OR10A2: variants seen among roughly 807,000 people sequenced by gnomAD.
OR10A2 encodes olfactory receptor family 10 subfamily A member 2, also known as olfactory receptor 10A2.
Under a neutral mutation model 13.7 loss-of-function variants are expected in OR10A2, and 15 were observed. That is an observed-to-expected ratio of 1.10 (90% CI 0.73 to 1.69). OR10A2 has a LOEUF of 1.69. Ranked by LOEUF, OR10A2 falls within the 40% of genes most tolerant of loss-of-function variation. The pLI is 0.00. For missense variants in OR10A2, 343 were observed against 361.1 expected, an observed-to-expected ratio of 0.95 and a Z score of 0.41; for synonymous variants, 145 against 144.7, an observed-to-expected ratio of 1.00 and a Z score of -0.02.
chr11:6,871,839 A>G lies in OR10A2; in HGVS notation c.*1173A>G, dbSNP rs1848438239. On this transcript the variant is annotated 3_prime_UTR_variant, in exon 2 of 2. Transcript: ENST00000641461. ...TGCTGTAAATAATGGACTTATCCATATATCTGTTTTTATATTTTTGCTAGT... is the reference window on the plus strand; with the variant it reads ...TGCTGTAAATAATGGACTTATCCATGTATCTGTTTTTATATTTTTGCTAGT... 3 of 152,216 alleles carry G rather than the reference A, an allele frequency of 2.0e-5. No individual in the cohort carries two copies. Among genetic ancestry groups the G allele is most frequent in the Admixed American group, 6.5e-5 (1 of 15,280 alleles). 9.4% of individuals were successfully genotyped at this position (152,216 alleles called of 1,614,324 possible).
intron 1 of OR10A2, among the ~76,000 whole-genome samples, chr11:6,867,058 T>C (rs953109046): frequency 2.0e-5 from 3 of 152,154 alleles, no homozygotes; most frequent in African/African-American, 7.2e-5. Context: ...GTGTAATTTT[T>C]CAAATTTGTA....
At chr11:6,868,931 TTGTC>T (rs1848401566) in intron 1 of OR10A2, among the ~76,000 whole-genome samples, 1 of 152,212 alleles carries the variant, frequency 6.6e-6, no homozygotes, top group Admixed American at 6.5e-5. Flanking sequence ...GTGCTTATCT[TTGTC>T]TGTCTTCACT....
At chr11:6,865,101 A>AAATATATT (rs1554928991) in intron 1 of OR10A2, among the ~76,000 whole-genome samples, 3 of 143,750 alleles carry the variant, frequency 2.1e-5, no homozygotes, top group Non-Finnish European at 4.5e-5. Context: ...ATGAATAAAA[A>AAATATATT]TATATATTTA....
intron 1 of OR10A2, among the ~76,000 whole-genome samples, chr11:6,864,972 A>G (rs1848368166): frequency 6.8e-6 from 1 of 146,624 alleles, no homozygotes; most frequent in Admixed American, 6.9e-5. Context: ...ATATAAATAT[A>G]TATATTGTAA....
chr11:6,870,492 C>G lies in OR10A2; in HGVS notation c.738C>G (p.Tyr246Ter). The change falls in exon 2 of 2, where the codon TAC becomes TAG. Residue 246 changes from tyrosine (Y) to a stop codon, truncating the protein, a stop_gained. Coordinates refer to ENST00000641461, the MANE Select transcript of OR10A2 (RefSeq NM_001004460.2). LOFTEE classifies it high-confidence loss of function. ...TCTATATATCATTAAGCCTCACCTA[C>G]TTCCGGCCTAAATCAAATAATTCAC... ...SLFYISLSLT[Y>*]FRPKSNNSPE... The G allele has an allele frequency of 6.2e-7, 1 of 1,614,188 alleles. No homozygotes were observed. The highest frequency in any genetic ancestry group is 1.1e-5 in the South Asian group (1 of 91,088).
In OR10A2 at chr11:6,868,077, G is replaced by A. The variant is rs1848393921; in HGVS notation, c.-132-1546G>A. Among the ~76,000 whole-genome samples, 3 of 152,158 alleles carry A rather than the reference G, an allele frequency of 2.0e-5. No homozygotes were observed. The South Asian group carries it at 6.2e-4, about 32-fold the overall frequency. ...CAGTGAAAGAGTTTCTAGTTGAGAT[G>A]ATCTGTCTTTTCATCATTGGTTCTT... On this transcript the variant is annotated intron_variant, in intron 1 of 1. Transcript: ENST00000641461.
At position 6,873,645 on chromosome 11, in the gene OR10A2, T is replaced by C. The variant is rs7944013; in HGVS notation, c.*2979T>C. The C allele has an allele frequency of 0.2, 30,879 of 152,090 alleles. 3,302 individuals carry two copies. The highest frequency in any genetic ancestry group is 0.24 in the Non-Finnish European group (16,147 of 67,980). 9.4% of individuals were successfully genotyped at this position (152,090 alleles called of 1,614,324 possible). On this transcript the variant is annotated 3_prime_UTR_variant, in exon 2 of 2. Coordinates refer to ENST00000641461, the MANE Select transcript of OR10A2 (RefSeq NM_001004460.2). The stretch of plus-strand genomic sequence containing the variant: ...ATCAGCTACACTGGGGATTTGAAAC[T>C]GGAAAAATAAGCAGAGATCACAGGA...
intron 1 of OR10A2, among the ~76,000 whole-genome samples, chr11:6,864,705 C>CAA (rs1211269983): frequency 2.0e-5 from 3 of 151,750 alleles, no homozygotes; most frequent in Admixed American, 6.6e-5. Context: ...AAGGCAGAGG[C>CAA]AAGCAAAAAG....
In OR10A2 at chr11:6,870,657, T is replaced by C; in HGVS notation, c.903T>C (p.Cys301=). 6.3e-7 allele frequency: 1 copy of C among 1,576,630 alleles called. No homozygotes were observed. Among genetic ancestry groups the C allele is most frequent in the Non-Finnish European group, 8.6e-7 (1 of 1,163,732 alleles). The change falls in exon 2 of 2, where the codon TGT becomes TGC. Residue 301 remains cysteine (C), a synonymous_variant. Coordinates refer to ENST00000641461, the MANE Select transcript of OR10A2 (RefSeq NM_001004460.2). ...TVSKALALRN[C]IP is the part of the protein sequence containing the mutation. ...CTAAGGCCCTAGCCCTCAGAAACTG[T>C]ATCCCATAGACCTTAGGAAGTAAGG...
intron 1 of OR10A2, among the ~76,000 whole-genome samples, chr11:6,864,775 G>A (rs997978918): frequency 6.6e-6 from 1 of 151,916 alleles, no homozygotes; most frequent in Non-Finnish European, 1.5e-5. Context: ...AGAGATGGAT[G>A]TGGGAGACCA....
chr11:6,868,518 A>C (rs1449625754), intron 1 of OR10A2, among the ~76,000 whole-genome samples: 4 of 152,148 alleles, frequency 2.6e-5, no homozygotes, highest in African/African-American at 9.7e-5. Context: ...ATTCAGGTGA[A>C]TCTCCTCATC....
rs1848414830 is a variant in OR10A2, at chr11:6,870,158, C to T, written c.404C>T (p.Ser135Phe). 2 of 1,614,256 alleles carry T rather than the reference C, an allele frequency of 1.2e-6. No individual in the cohort carries two copies. Among genetic ancestry groups the T allele is most frequent in the Non-Finnish European group, 1.7e-6 (2 of 1,180,046 alleles). The stretch of plus-strand genomic sequence containing the variant: ...ACTCGTGCCAAACTGGCTGCTGCCT[C>T]CTGGTTCCCAGGCTTTCCTGTAGCT... ...QRTRAKLAAA[S>F]WFPGFPVATV... Residue 135 changes from serine (S) to phenylalanine (F), a missense_variant, in exon 2 of 2, where the codon TCC becomes TTC. Transcript: ENST00000641461.
Position 6,870,156 on chromosome 11 carries a change from C to T in OR10A2, c.402C>T (p.Ala134=), listed in dbSNP as rs138390274. ...NQRTRAKLAA[A]SWFPGFPVAT... ...GGACTCGTGCCAAACTGGCTGCTGC[C>T]TCCTGGTTCCCAGGCTTTCCTGTAG... Residue 134 remains alanine (A), a synonymous_variant, in exon 2 of 2, where the codon GCC becomes GCT. Coordinates refer to ENST00000641461, the MANE Select transcript of OR10A2 (RefSeq NM_001004460.2). The T allele has an allele frequency of 1.2e-3, 1,905 of 1,614,156 alleles. No individual in the cohort carries two copies. The highest frequency in any genetic ancestry group is 1.4e-3 in the Non-Finnish European group (1,629 of 1,180,008).
In OR10A2 at chr11:6,870,800, G is replaced by T; in HGVS notation, c.*134G>T. The T allele has an allele frequency of 1.4e-6, 1 of 698,890 alleles. No individual in the cohort carries two copies. 43.3% of individuals were successfully genotyped at this position (698,890 alleles called of 1,614,324 possible). A position where few individuals can be genotyped will look rare whatever the true frequency, so the allele number is the denominator to read the frequency against. On this transcript the variant is annotated 3_prime_UTR_variant, in exon 2 of 2. Coordinates refer to ENST00000641461, the MANE Select transcript of OR10A2 (RefSeq NM_001004460.2). ...GAAATGGCTTTTGGAAAGCTGAGTG[G>T]AGAGAAAGGAGCAGAGAAGTAGTTT...
rs987294908 is a variant in OR10A2, at chr11:6,872,385, C to T, written c.*1719C>T. The T allele has an allele frequency of 6.6e-6, 1 of 152,180 alleles. No homozygotes were observed. The highest frequency in any genetic ancestry group is 2.4e-5 in the African/African-American group (1 of 41,440). The allele number at this position is 152,180 out of a possible 1,614,324, so 9.4% of individuals were successfully genotyped here. On this transcript the variant is annotated 3_prime_UTR_variant, in exon 2 of 2. Coordinates refer to ENST00000641461, the MANE Select transcript of OR10A2 (RefSeq NM_001004460.2). ...ATAAATACATTAAATTTTGTATATA[C>T]TACATGTAGAAACTGTACATGTACT...
chr11:6,864,457 T>G (rs1242478725), intron 1 of OR10A2, among the ~76,000 whole-genome samples: 2 of 109,798 alleles, frequency 1.8e-5, no homozygotes, highest in Non-Finnish European at 4.0e-5. Flanking sequence ...ACACTGGGCT[T>G]CTTCTTATAA....
rs1564921581 is a variant in OR10A2, at chr11:6,872,252, T to C, written c.*1586T>C. 6.6e-6 allele frequency: 1 copy of C among 152,226 alleles called. No homozygotes were observed. Among genetic ancestry groups the C allele is most frequent in the Non-Finnish European group, 1.5e-5 (1 of 68,032 alleles). The allele number at this position is 152,226 out of a possible 1,614,324, so 9.4% of individuals were successfully genotyped here. On this transcript the variant is annotated 3_prime_UTR_variant, in exon 2 of 2. Transcript: ENST00000641461. ...TTTATTTTCTCTTCTTGAAAGGTTG[T>C]TTTTCACTTTTATTTTAGCCAAATC...
At chr11:6,863,896 C>T (rs1390626874) in intron 1 of OR10A2, among the ~76,000 whole-genome samples, 4 of 152,194 alleles carry the variant, frequency 2.6e-5, no homozygotes, top group Admixed American at 6.5e-5. Context: ...GGGCCACATG[C>T]GGCCCAAGAT....
rs566615454 is a variant in OR10A2, at chr11:6,866,102, G to A, written c.-133+2751G>A. On this transcript the variant is annotated intron_variant, in intron 1 of 1. Coordinates refer to ENST00000641461, the MANE Select transcript of OR10A2 (RefSeq NM_001004460.2). ...AATAGTTCATCCTCTCTATTGCTGA[G>A]TTTACTAAGGTATAAATGCATCATA... is the stretch of plus-strand genomic sequence containing the variant. 2.0e-4 allele frequency among the ~76,000 whole-genome samples: 30 copies of A among 152,260 alleles called. No homozygotes were observed. The South Asian group carries it at 5.4e-3, about 27-fold the overall frequency.
Sources: gnomAD v4.1 joint callset for allele counts (sites outside exome capture counted in the v4.1 genomes callset) on GRCh38, gnomAD v4.1.1 for gene constraint, MANE v1.5 for transcripts, NCBI Gene and HGNC (gene_info 2026-07-23, HGNC 2026-07-21) for gene names.